OXCT1: variants seen among roughly 807,000 people sequenced by gnomAD.
The protein encoded by OXCT1 is 3-oxoacid CoA-transferase 1.
In OXCT1, 27 loss-of-function variants were observed where a neutral mutation model predicts 69.6. The ratio of observed to expected loss-of-function variants is 0.39; its 90% confidence interval spans 0.29 to 0.54. The LOEUF is 0.54. Among genes scored for constraint, OXCT1 ranks in the 20% least tolerant of loss-of-function variants. The pLI is 0.72. For missense variants in OXCT1, 437 were observed against 650.2 expected (o/e 0.67, Z 3.57); for synonymous variants, 202 against 217.8 (o/e 0.93, Z 0.64).
intron 5 of OXCT1, 86 bp from the exon 6 acceptor site, chr5:41,842,867 A>T: frequency 1.1e-6 from 1 of 922,504 alleles, no homozygotes; most frequent in East Asian, 2.4e-5. Context: ...GATAATAAGG[A>T]TACAAGCCTA....
At chr5:41,828,781 T>C (rs1468628071) in intron 7 of OXCT1, among the ~76,000 whole-genome samples, 1 of 152,232 alleles carries the variant, frequency 6.6e-6, no homozygotes, top group African/African-American at 2.4e-5. Context: ...AGTAATTTAA[T>C]ATATTCAGAC....
chr5:41,785,291 G>T (rs1745590243), intron 13 of OXCT1, among the ~76,000 whole-genome samples: 1 of 152,146 alleles, frequency 6.6e-6, no homozygotes, highest in Non-Finnish European at 1.5e-5. Context: ...GGTTTGGCTG[G>T]GTTCTTCCAC....
chr5:41,805,212 G>C (rs996362311), intron 9 of OXCT1, among the ~76,000 whole-genome samples: 1 of 151,986 alleles, frequency 6.6e-6, no homozygotes, highest in African/African-American at 2.4e-5. Flanking sequence ...AAAGTAAATA[G>C]CACTGGTTAT....
intron 13 of OXCT1, among the ~76,000 whole-genome samples, chr5:41,771,323 G>T (rs1039661912): frequency 1.3e-5 from 2 of 152,146 alleles, no homozygotes; most frequent in African/African-American, 4.8e-5. Context: ...CTCTGTATAA[G>T]AAATTAATAA....
chr5:41,767,743 T>TAC (rs1744682959), intron 13 of OXCT1, among the ~76,000 whole-genome samples: 1 of 135,850 alleles, frequency 7.4e-6, no homozygotes. Context: ...TATATATATA[T>TAC]ATATATATAG....
chr5:41,800,414 T>C (rs1180728504), intron 11 of OXCT1, among the ~76,000 whole-genome samples: 1 of 151,856 alleles, frequency 6.6e-6, no homozygotes, highest in Non-Finnish European at 1.5e-5. Context: ...ACTCCCACCC[T>C]TCTCTATCCT....
intron 12 of OXCT1, chr5:41,794,325 G>C (rs1013053000): frequency 4.4e-5 from 26 of 594,816 alleles, no homozygotes; most frequent in Non-Finnish European, 6.6e-5. Flanking sequence ...CAGGAAGACT[G>C]TTTCCTTCAG....
At chr5:41,756,353 G>C (rs1213455668) in intron 14 of OXCT1, among the ~76,000 whole-genome samples, 7 of 152,184 alleles carry the variant, frequency 4.6e-5, no homozygotes, top group African/African-American at 1.2e-4. Flanking sequence ...TAGTGGTAAT[G>C]GTGCTTGCCA....
chr5:41,750,030 T>C (rs1201065284), intron 14 of OXCT1, among the ~76,000 whole-genome samples: 2 of 151,996 alleles, frequency 1.3e-5, no homozygotes, highest in Admixed American at 6.6e-5. Context: ...AAAAATACTT[T>C]ATCTGTTAAA....
At chr5:41,804,110 G>C (rs1746553473) in intron 9 of OXCT1, among the ~76,000 whole-genome samples, 1 of 152,002 alleles carries the variant, frequency 6.6e-6, no homozygotes, top group Non-Finnish European at 1.5e-5. Flanking sequence ...CAATGACCCA[G>C]GTCACTTCTT....
At chr5:41,849,660 G>C (rs1749087716) in intron 5 of OXCT1, among the ~76,000 whole-genome samples, 1 of 152,056 alleles carries the variant, frequency 6.6e-6, no homozygotes, top group African/African-American at 2.4e-5. Context: ...CTTTAGGAAG[G>C]GCCTGAGCAT....
chr5:41,859,886 TGTAATATATATATATATATATAC>T (rs1250405057), intron 3 of OXCT1, among the ~76,000 whole-genome samples: 2 of 101,908 alleles, frequency 2.0e-5, no homozygotes, highest in Non-Finnish European at 4.5e-5. Flanking sequence ...TATATATATA[TGTAATATATATATATATATATAC>T]ACACACACAC....
intron 1 of OXCT1, among the ~76,000 whole-genome samples, chr5:41,866,687 A>T (rs1749993691): frequency 6.6e-6 from 1 of 152,242 alleles, no homozygotes; most frequent in African/African-American, 2.4e-5. Flanking sequence ...ACATGTGACA[A>T]GAATAAATCT....
At chr5:41,793,947 TTAAAA>T in intron 13 of OXCT1, 51 bp downstream of exon 13, 1 of 1,052,890 alleles carries the variant, frequency 9.5e-7, no homozygotes, top group South Asian at 1.3e-5. Flanking sequence ...TTCTTAGTAT[TTAAAA>T]TATAATTATT....
intron 2 of OXCT1, 150 bp downstream of exon 2, chr5:41,862,492 C>A: frequency 1.7e-6 from 1 of 575,264 alleles, no homozygotes; most frequent in Admixed American, 2.9e-5. Context: ...GAAGGAGACA[C>A]TAATAAAATA....
intron 8 of OXCT1, among the ~76,000 whole-genome samples, chr5:41,806,257 C>T (rs1746675805): frequency 6.6e-6 from 1 of 152,054 alleles, no homozygotes; most frequent in Non-Finnish European, 1.5e-5. Flanking sequence ...TCCTGGGCCC[C>T]TGACACTGGT....
chr5:41,864,011 A>G (rs1749856111), intron 1 of OXCT1, among the ~76,000 whole-genome samples: 1 of 152,178 alleles, frequency 6.6e-6, no homozygotes, highest in South Asian at 2.1e-4. Flanking sequence ...AAAAGGAACA[A>G]ACCATTATCT....
intron 13 of OXCT1, among the ~76,000 whole-genome samples, chr5:41,779,680 C>T (rs185255722): frequency 1.4e-3 from 217 of 151,866 alleles, no homozygotes; most frequent in Non-Finnish European, 6.6e-4. Flanking sequence ...CTCAATCTTA[C>T]ATAAAATTAT....
Position 41,808,818 on chromosome 5 carries a change from A to G in OXCT1, c.733-1380T>C, listed in dbSNP as rs1467939792. 3.3e-5 allele frequency among the ~76,000 whole-genome samples: 5 copies of G among 152,090 alleles called. No individual in the cohort carries two copies. In the East Asian group the frequency reaches 7.7e-4, roughly 24 times the overall value. On this transcript the variant is annotated intron_variant, in intron 7 of 16. Coordinates refer to ENST00000196371, the MANE Select transcript of OXCT1 (RefSeq NM_000436.4). ...TACTGCTACCTCTTCAACTGGTTGG[A>G]ACTTTCAGCCATTAGGGCTCATTCA...
Sources: allele counts gnomAD v4.1 joint callset (sites outside exome capture counted in the v4.1 genomes callset), GRCh38; gene constraint gnomAD v4.1.1; transcripts MANE v1.5; gene names NCBI Gene and HGNC (gene_info 2026-07-23, HGNC 2026-07-21).